The following USP24 variants were observed in gnomAD, a reference collection of about 807,000 sequenced individuals.
USP24 encodes ubiquitin carboxyl-terminal hydrolase 24.
A neutral mutation model predicts 361.6 loss-of-function variants in USP24; 97 were observed. That is an observed-to-expected ratio of 0.27 (90% CI 0.23 to 0.32). The LOEUF (loss-of-function observed/expected upper bound fraction) is 0.32, where lower values mean the gene tolerates loss of function less well. Among genes scored for constraint, USP24 ranks in the 10% least tolerant of loss-of-function variants. The pLI, the probability that USP24 is intolerant of heterozygous loss-of-function variation, is 1.00. For missense variants in USP24, 2,353 were observed against 3,165.6 expected (o/e 0.74, Z 6.16); for synonymous variants, 1,098 against 1,124.6 (o/e 0.98, Z 0.47).
At chr1:55,177,937 C>T (rs1650152951) in intron 2 of USP24, 30 bp downstream of exon 2, 2 of 1,539,482 alleles carry the variant, frequency 1.3e-6, no homozygotes, top group Admixed American at 4.2e-5. Context: ...AAACAAATGT[C>T]CTCATGTGTT....
At chr1:55,072,105 C>G (rs1490719746) in intron 66 of USP24, among the ~76,000 whole-genome samples, 181 bp from the exon 67 acceptor site, 1 of 152,080 alleles carries the variant, frequency 6.6e-6, no homozygotes, top group Non-Finnish European at 1.5e-5. Context: ...GACTGCCCAA[C>G]CTGTATGACT....
At chr1:55,190,242 T>C (rs1368853661) in intron 1 of USP24, among the ~76,000 whole-genome samples, 3 of 151,346 alleles carry the variant, frequency 2.0e-5, no homozygotes, top group Non-Finnish European at 4.4e-5. Flanking sequence ...TGTTGCCTCC[T>C]AGGCAGTTAA....
At chr1:55,091,982 C>T in intron 54 of USP24, 41 bp downstream of exon 54, 1 of 1,409,602 alleles carries the variant, frequency 7.1e-7, no homozygotes, top group Non-Finnish European at 9.9e-7. Flanking sequence ...TTCACCAGTG[C>T]CCTCTGTCAC....
chr1:55,212,198 T>TA (rs896189446), intron 1 of USP24, among the ~76,000 whole-genome samples: 1 of 152,232 alleles, frequency 6.6e-6, no homozygotes, highest in African/African-American at 2.4e-5. Flanking sequence ...TGCTTCTTTT[T>TA]AAAAAATCTG....
At chr1:55,069,936 G>C (rs1258015269) in intron 67 of USP24, among the ~76,000 whole-genome samples, 1 of 146,518 alleles carries the variant, frequency 6.8e-6, no homozygotes, top group African/African-American at 2.5e-5. Context: ...GCAGGTGCTA[G>C]ATCAAGCAGG....
chr1:55,130,168 A>G (rs1646550694), intron 31 of USP24, among the ~76,000 whole-genome samples: 1 of 152,342 alleles, frequency 6.6e-6, no homozygotes, highest in East Asian at 1.9e-4. Flanking sequence ...CCTAAAGTGG[A>G]GTTCAACTGA....
At chr1:55,168,674 G>A (rs917207494) in intron 5 of USP24, among the ~76,000 whole-genome samples, 12 of 152,046 alleles carry the variant, frequency 7.9e-5, no homozygotes, top group Non-Finnish European at 1.3e-4. Flanking sequence ...ATTTACCTGC[G>A]GAAAGGGAAA....
chr1:55,179,058 C>G, intron 1 of USP24, among the ~76,000 whole-genome samples: 1 of 152,290 alleles, frequency 6.6e-6, no homozygotes, highest in Non-Finnish European at 1.5e-5. Flanking sequence ...TGACAACACC[C>G]CAATCTGGAT....
chr1:55,132,748 T>C (rs1390948463), intron 30 of USP24, 48 bp from the exon 31 acceptor site: 10 of 1,549,316 alleles, frequency 6.5e-6, no homozygotes, highest in South Asian at 3.6e-5. Context: ...AAAGGACAAA[T>C]TAAAGAGAAA....
At chr1:55,158,611 C>T (rs924837562) in intron 10 of USP24, among the ~76,000 whole-genome samples, 1 of 152,132 alleles carries the variant, frequency 6.6e-6, no homozygotes, top group Admixed American at 6.5e-5. Flanking sequence ...AAGTAAATCT[C>T]AAACTGTATA....
chr1:55,210,900 CAGTT>C (rs1644831311), intron 1 of USP24, among the ~76,000 whole-genome samples: 1 of 152,172 alleles, frequency 6.6e-6, no homozygotes, highest in Admixed American at 6.5e-5. Flanking sequence ...GGTATTTCCT[CAGTT>C]AATATGAAAT....
intron 32 of USP24, among the ~76,000 whole-genome samples, chr1:55,125,995 C>T (rs1198609397): frequency 9.9e-5 from 15 of 152,148 alleles, no homozygotes; most frequent in Admixed American, 9.8e-4. Context: ...TTCAAAAGAC[C>T]CATCAGGGTG....
chr1:55,157,106 A>G, intron 11 of USP24, 55 bp from the exon 12 acceptor site: 1 of 1,476,194 alleles, frequency 6.8e-7, no homozygotes, highest in Non-Finnish European at 9.4e-7. Context: ...TGACTCTCTA[A>G]ATATAATTCT....
In USP24 at chr1:55,164,626, T is replaced by C. The variant is rs190360258; in HGVS notation, c.927+1259A>G. ...ACAACCTAAACAATATAATTCTGTGTCAACTGCAGCAGACAACACAATTGT... is the reference window on the plus strand; with the variant it reads ...ACAACCTAAACAATATAATTCTGTGCCAACTGCAGCAGACAACACAATTGT... On this transcript the variant is annotated intron_variant, in intron 7 of 67. Transcript: ENST00000294383. Among the ~76,000 whole-genome samples, 5 of 152,156 alleles carry C rather than the reference T, an allele frequency of 3.3e-5. No individual in the cohort carries two copies. The East Asian group carries it at 7.7e-4, about 24-fold the overall frequency.
intron 1 of USP24, among the ~76,000 whole-genome samples, chr1:55,178,395 G>A (rs1480123078): frequency 2.0e-5 from 3 of 152,104 alleles, no homozygotes; most frequent in Non-Finnish European, 4.4e-5. Flanking sequence ...CAGGCCGGGC[G>A]CAGTGGCTCA....
chr1:55,172,392 C>G lies in USP24; in HGVS notation c.687G>C (p.Leu229=), dbSNP rs368537281. 6.2e-7 allele frequency: 1 copy of G among 1,612,198 alleles called. No homozygotes were observed. Among genetic ancestry groups the G allele is most frequent in the Non-Finnish European group, 8.5e-7 (1 of 1,179,094 alleles). Residue 229 remains leucine, a synonymous_variant, in exon 4 of 68, where the codon CTG becomes CTC. Coordinates refer to ENST00000294383, the MANE Select transcript of USP24 (RefSeq NM_015306.3). ...GATACTATACCATTGTAAGCACACC[C>G]AGGAGACCAGTGGGAATTGGATCTT... is the stretch of plus-strand genomic sequence containing the variant. ...IKQDPIPTGL[L]GVLTMAFNPD... is the part of the protein sequence containing the mutation.
intron 38 of USP24, among the ~76,000 whole-genome samples, chr1:55,118,622 TAA>T (rs752136017): frequency 2.0e-5 from 3 of 152,154 alleles, no homozygotes; most frequent in Non-Finnish European, 2.9e-5. Flanking sequence ...TCAAGAGAGC[TAA>T]AAGACAACCC....
chr1:55,084,884 C>G (rs938850015), intron 56 of USP24, among the ~76,000 whole-genome samples: 1 of 152,148 alleles, frequency 6.6e-6, no homozygotes, highest in Non-Finnish European at 1.5e-5. Context: ...ACGGCCTGAC[C>G]CCATCTCTAG....
intron 1 of USP24, among the ~76,000 whole-genome samples, chr1:55,184,891 A>G (rs1432437777): frequency 6.6e-6 from 1 of 152,240 alleles, no homozygotes; most frequent in Non-Finnish European, 1.5e-5. Flanking sequence ...AAATTAAAAT[A>G]TAATATAAAA....
Sources: gnomAD v4.1 joint callset for allele counts (sites outside exome capture counted in the v4.1 genomes callset) on GRCh38, gnomAD v4.1.1 for gene constraint, MANE v1.5 for transcripts, NCBI Gene and HGNC (gene_info 2026-07-23, HGNC 2026-07-21) for gene names.